Variants in GCNT1 observed in about 807,000 individuals in gnomAD.
GCNT1 encodes the protein glucosaminyl (N-acetyl) transferase 1, also known as beta-1,3-galactosyl-O-glycosyl-glycoprotein beta-1,6-N-acetylglucosaminyltransferase.
A neutral mutation model predicts 26.2 loss-of-function variants in GCNT1; 16 were observed. That is an observed-to-expected ratio of 0.61 (90% CI 0.41 to 0.93). GCNT1 has a LOEUF of 0.93. Ranked by LOEUF, GCNT1 falls within the 40% of genes least tolerant of loss-of-function variation. The pLI, the probability that GCNT1 is intolerant of heterozygous loss-of-function variation, is 0.00. For missense variants in GCNT1, 477 were observed against 526.7 expected, an observed-to-expected ratio of 0.91 and a Z score of 0.92; for synonymous variants, 183 against 190.8, an observed-to-expected ratio of 0.96 and a Z score of 0.34.
intron 2 of GCNT1, among the ~76,000 whole-genome samples, chr9:76,463,713 C>A (rs1823928795): frequency 6.8e-6 from 1 of 147,910 alleles, no homozygotes; most frequent in Non-Finnish European, 1.5e-5. Context: ...CAGCTGTGAA[C>A]AAGATGGAGG....
rs1823841405 is a variant in GCNT1, at chr9:76,460,194, C to T, written c.-290+17C>T. ...TAGGCCGAGGTAGGTTCTGTAGGCACCTGGCATGCTGTAGATGCATATAAA... is the reference window on the plus strand; with the variant it reads ...TAGGCCGAGGTAGGTTCTGTAGGCATCTGGCATGCTGTAGATGCATATAAA... On this transcript the variant is annotated intron_variant, in intron 2 of 3. Transcript: ENST00000376730. The T allele has an allele frequency of 6.6e-6, 1 of 152,222 alleles. No homozygotes were observed. The highest frequency in any genetic ancestry group is 1.5e-5 in the Non-Finnish European group (1 of 68,056). The allele number at this position is 152,222 out of a possible 1,614,324, so 9.4% of individuals were successfully genotyped here.
At chr9:76,425,474 C>T (rs1420498763) in intron 1 of GCNT1, among the ~76,000 whole-genome samples, 3 of 152,088 alleles carry the variant, frequency 2.0e-5, no homozygotes, top group Non-Finnish European at 2.9e-5. Context: ...CCACCCACCT[C>T]GGCCTCCCAA....
intron 2 of GCNT1, among the ~76,000 whole-genome samples, chr9:76,468,552 T>C (rs1396756951): frequency 6.6e-6 from 1 of 152,172 alleles, no homozygotes; most frequent in Non-Finnish European, 1.5e-5. Context: ...TGTAGAAGCT[T>C]TGTCGTCCTT....
chr9:76,470,346 G>T (rs1195345347), intron 2 of GCNT1, among the ~76,000 whole-genome samples: 1 of 152,148 alleles, frequency 6.6e-6, no homozygotes, highest in Non-Finnish European at 1.5e-5. Context: ...CCTCATGCCT[G>T]TAATTTCAGC....
At chr9:76,430,148 CG>C (rs1260122090) in intron 1 of GCNT1, among the ~76,000 whole-genome samples, 1 of 152,092 alleles carries the variant, frequency 6.6e-6, no homozygotes, top group African/African-American at 2.4e-5. Context: ...TATAGTAAAG[CG>C]TTATGTATAC....
At chr9:76,409,629 A>G in the GCNT1 span, among the ~76,000 whole-genome samples, 1 of 151,960 alleles carries the variant, frequency 6.6e-6, no homozygotes, top group African/African-American at 2.4e-5. Flanking sequence ...TGTTTTTAGT[A>G]GAGACGGAGT....
chr9:76,451,268 G>A (rs910247800), intron 1 of GCNT1, among the ~76,000 whole-genome samples: 2 of 152,178 alleles, frequency 1.3e-5, no homozygotes, highest in African/African-American at 2.4e-5. Flanking sequence ...GCAAGAAGAG[G>A]ATGGGTGGCT....
intron 1 of GCNT1, among the ~76,000 whole-genome samples, chr9:76,446,958 C>T (rs1823586466): frequency 6.6e-6 from 1 of 151,716 alleles, no homozygotes; most frequent in Non-Finnish European, 1.5e-5. Context: ...AGTTTGAGGC[C>T]AACGTGGCCA....
At position 76,483,405 on chromosome 9, in the gene GCNT1, T is replaced by G. The variant is rs979703181; in HGVS notation, c.-289-17511T>G. ...GTTCTTTCTACTATTAAGGAGGGGT[T>G]TTTTTTTTATTGTTTTTTGTTTTAA... On this transcript the variant is annotated intron_variant, in intron 2 of 3. Transcript: ENST00000376730. 6.0e-5 allele frequency among the ~76,000 whole-genome samples: 5 copies of G among 83,294 alleles called. No homozygotes were observed. The East Asian group carries it at 1.6e-3, about 27-fold the overall frequency. The allele number at this position is 83,294 out of a possible 152,430, so 54.6% of individuals were successfully genotyped here. A position where few individuals can be genotyped will look rare whatever the true frequency, so the allele number is the denominator to read the frequency against.
chr9:76,452,475 A>T (rs1823686106), intron 1 of GCNT1, among the ~76,000 whole-genome samples: 1 of 152,168 alleles, frequency 6.6e-6, no homozygotes, highest in Non-Finnish European at 1.5e-5. Flanking sequence ...TAAAGAAAAG[A>T]GGTTTAATTG....
chr9:76,437,331 CAG>C (rs974561732), upstream of GCNT1, among the ~76,000 whole-genome samples: 8 of 152,118 alleles, frequency 5.3e-5, no homozygotes, highest in Non-Finnish European at 1.2e-4. Flanking sequence ...GCTGATAAAA[CAG>C]TGTGCAGTAA....
chr9:76,467,960 A>T (rs1209158986), intron 2 of GCNT1, among the ~76,000 whole-genome samples: 1 of 119,706 alleles, frequency 8.4e-6, no homozygotes, highest in African/African-American at 3.4e-5. Context: ...AGGCTGGAGT[A>T]CAGTGGCACA....
At chr9:76,464,591 C>T (rs1257325079) in intron 2 of GCNT1, among the ~76,000 whole-genome samples, 1 of 152,090 alleles carries the variant, frequency 6.6e-6, no homozygotes, top group Non-Finnish European at 1.5e-5. Flanking sequence ...GGTTGGAGTG[C>T]AGTGGCTATT....
chr9:76,399,890 C>G, the GCNT1 span, among the ~76,000 whole-genome samples: 1 of 152,116 alleles, frequency 6.6e-6, no homozygotes, highest in African/African-American at 2.4e-5. Flanking sequence ...CCATACTATT[C>G]TGTGCTAAAA....
chr9:76,398,946 G>A, the GCNT1 span: 23 of 1,510,506 alleles, frequency 1.5e-5, no homozygotes, highest in African/African-American at 2.6e-4. Context: ...AGGAATACTG[G>A]CCAGAGGGCT....
At chr9:76,479,147 G>C (rs1215186014) in intron 2 of GCNT1, among the ~76,000 whole-genome samples, 1 of 152,066 alleles carries the variant, frequency 6.6e-6, no homozygotes, top group African/African-American at 2.4e-5. Flanking sequence ...TGAGAATGAT[G>C]GTTTCCAGCT....
chr9:76,483,265 C>G lies in GCNT1; in HGVS notation c.-289-17651C>G, dbSNP rs1416630949. Among the ~76,000 whole-genome samples the G allele has an allele frequency of 2.0e-5, 3 of 152,294 alleles. No homozygotes were observed. In the East Asian group the frequency reaches 5.8e-4, roughly 29 times the overall value. On this transcript the variant is annotated intron_variant, in intron 2 of 3. Transcript: ENST00000376730. The stretch of plus-strand genomic sequence containing the variant: ...GCATGTGACTACTAGCTAACATTCT[C>G]TACTGCATAGCCCTGAAGTTAACCA...
At chr9:76,491,201 C>T in intron 2 of GCNT1, among the ~76,000 whole-genome samples, 1 of 152,068 alleles carries the variant, frequency 6.6e-6, no homozygotes, top group South Asian at 2.1e-4. Flanking sequence ...CTGACTCCCT[C>T]TTTGTCTCTG....
At chr9:76,431,766 C>A (rs913119164) in intron 1 of GCNT1, among the ~76,000 whole-genome samples, 2 of 152,132 alleles carry the variant, frequency 1.3e-5, no homozygotes, top group African/African-American at 2.4e-5. Context: ...TGTAGCCATC[C>A]AAGAGCCTGC....
Sources: allele counts gnomAD v4.1 joint callset (sites outside exome capture counted in the v4.1 genomes callset), GRCh38; gene constraint gnomAD v4.1.1; transcripts MANE v1.5; gene names NCBI Gene and HGNC (gene_info 2026-07-23, HGNC 2026-07-21).